Variants in EPB41L4B observed in about 807,000 individuals in gnomAD.
The protein encoded by EPB41L4B is band 4.1-like protein 4B.
EPB41L4B carries 30 observed loss-of-function variants against 112.5 expected under a neutral mutation model. The ratio of observed to expected loss-of-function variants is 0.27; its 90% confidence interval spans 0.20 to 0.36. The LOEUF (loss-of-function observed/expected upper bound fraction) is 0.36, where lower values mean the gene tolerates loss of function less well. Among genes scored for constraint, EPB41L4B ranks in the 10% least tolerant of loss-of-function variants. The pLI is 1.00. For synonymous variants in EPB41L4B, 408 were observed against 439.7 expected, an observed-to-expected ratio of 0.93 and a Z score of 0.90; for missense variants, 1,024 against 1,133.3, an observed-to-expected ratio of 0.90 and a Z score of 1.38.
intron 1 of EPB41L4B, among the ~76,000 whole-genome samples, chr9:109,280,728 G>A (rs1836002054): frequency 6.6e-6 from 1 of 151,868 alleles, no homozygotes; most frequent in Admixed American, 6.6e-5. Context: ...GAGCAGACAC[G>A]CTTCTCAGAT....
chr9:109,208,007 G>C lies in EPB41L4B; in HGVS notation c.1795C>G (p.Leu599Val). The C allele has an allele frequency of 6.2e-7, 1 of 1,614,146 alleles. No homozygotes were observed. Among genetic ancestry groups the C allele is most frequent in the Non-Finnish European group, 8.5e-7 (1 of 1,180,016 alleles). Residue 599 changes from leucine to valine, a missense_variant, in exon 18 of 26, where the codon CTT becomes GTT. Leu to Val is a conservative substitution (Grantham distance 32, BLOSUM62 1). Coordinates refer to ENST00000374566, the MANE Select transcript of EPB41L4B (RefSeq NM_019114.5). ...TGATCCGCAACAGGGGAAGGCAAAA[G>C]TGGAGTCTGAAGAGTTTTCTCCGAG... ...KVSEKTLQTP[L>V]LPSPVADHVK...
chr9:109,281,671 G>A (rs562298683), intron 1 of EPB41L4B, among the ~76,000 whole-genome samples: 116 of 151,394 alleles, frequency 7.7e-4, no homozygotes, highest in Middle Eastern at 6.8e-3. Flanking sequence ...GCGGTAGAGC[G>A]AGACTCCGTC....
intron 3 of EPB41L4B, 128 bp downstream of exon 3, chr9:109,268,263 C>T (rs774813334): frequency 1.8e-5 from 14 of 795,692 alleles, no homozygotes; most frequent in Non-Finnish European, 2.6e-5. Context: ...AAAAATCATC[C>T]ACTTAATACC....
chr9:109,210,840 G>T (rs1226998311), intron 17 of EPB41L4B, among the ~76,000 whole-genome samples: 1 of 152,160 alleles, frequency 6.6e-6, no homozygotes, highest in African/African-American at 2.4e-5. Context: ...TTTATGTTCA[G>T]TCAATTTGAA....
chr9:109,274,625 T>C (rs762036900), intron 2 of EPB41L4B, among the ~76,000 whole-genome samples: 8 of 152,190 alleles, frequency 5.3e-5, no homozygotes, highest in Non-Finnish European at 1.2e-4. Context: ...CTGAATGGGA[T>C]TGACTGAACC....
chr9:109,243,214 A>G (rs74497131), intron 15 of EPB41L4B, among the ~76,000 whole-genome samples: 1 of 4,962 alleles, frequency 2.0e-4, no homozygotes, highest in African/African-American at 5.3e-4. Flanking sequence ...CACCCCCGCA[A>G]AAAAAAAAAA....
intron 18 of EPB41L4B, among the ~76,000 whole-genome samples, chr9:109,204,685 C>T (rs535025738): frequency 7.9e-5 from 12 of 152,044 alleles, no homozygotes; most frequent in African/African-American, 2.4e-4. Flanking sequence ...TTTGTAGAGA[C>T]GAGGTTTTGC....
chr9:109,188,923 T>C (rs928307589), intron 22 of EPB41L4B, among the ~76,000 whole-genome samples: 2 of 152,202 alleles, frequency 1.3e-5, no homozygotes, highest in African/African-American at 4.8e-5. Context: ...TGGTCTGTGT[T>C]ACCTGGGGAG....
intron 1 of EPB41L4B, among the ~76,000 whole-genome samples, chr9:109,311,177 CG>C (rs1005212129): frequency 6.6e-5 from 10 of 152,062 alleles, no homozygotes; most frequent in African/African-American, 2.2e-4. Context: ...CACTTAAACA[CG>C]GTTAAAATAG....
intron 1 of EPB41L4B, among the ~76,000 whole-genome samples, chr9:109,319,040 T>C (rs1015519617): frequency 2.0e-5 from 3 of 152,214 alleles, no homozygotes; most frequent in African/African-American, 7.2e-5. Context: ...ATGTTATTTC[T>C]TCCCTTGACA....
At chr9:109,256,767 A>AC (rs1834998620) in intron 7 of EPB41L4B, among the ~76,000 whole-genome samples, 1 of 152,292 alleles carries the variant, frequency 6.6e-6, no homozygotes, top group African/African-American at 2.4e-5. Context: ...ACATGGTGAA[A>AC]CCCCATCTCT....
intron 15 of EPB41L4B, among the ~76,000 whole-genome samples, chr9:109,224,018 CAAAAATAAAATAAAAT>C (rs541436893): frequency 1.2e-3 from 181 of 150,882 alleles, no homozygotes; most frequent in Middle Eastern, 3.4e-3. Context: ...GCCTTTATCT[CAAAAATAAAATAAAAT>C]AAAAATAAAA....
intron 1 of EPB41L4B, among the ~76,000 whole-genome samples, chr9:109,281,705 TAAATAAATA>T (rs1564317087): frequency 8.2e-5 from 10 of 121,980 alleles, no homozygotes; most frequent in African/African-American, 3.3e-4. Context: ...AATAAATAAA[TAAATAAATA>T]AATAAATAAA....
rs995712526 is a variant in EPB41L4B at position 109,198,137 on chromosome 9, A to G, written c.2045+2099T>C. 1.4e-4 allele frequency among the ~76,000 whole-genome samples: 22 copies of G among 152,126 alleles called. 1 individual carries two copies. Among genetic ancestry groups the G allele is most frequent in the Non-Finnish European group, 4.4e-5 (3 of 68,022 alleles). On this transcript the variant is annotated intron_variant, in intron 20 of 25. Coordinates refer to ENST00000374566, the MANE Select transcript of EPB41L4B (RefSeq NM_019114.5). ...CTATGAAGGATATGAGGTGGGATAT[A>G]TCTCCCTTAATATCCCCCATACATG...
chr9:109,188,166 GCTT>G (rs2118658206), intron 22 of EPB41L4B, among the ~76,000 whole-genome samples: 1 of 152,286 alleles, frequency 6.6e-6, no homozygotes, highest in Non-Finnish European at 1.5e-5. Flanking sequence ...AATGTGTAAG[GCTT>G]CTTCATCATC....
At chr9:109,195,140 G>C (rs1014560102) in intron 20 of EPB41L4B, among the ~76,000 whole-genome samples, 1 of 152,148 alleles carries the variant, frequency 6.6e-6, no homozygotes, top group African/African-American at 2.4e-5. Context: ...TTTAAGGGTG[G>C]TGCTGGGGAC....
Position 109,268,714 on chromosome 9 carries a change from C to T in EPB41L4B, c.412-281G>A, listed in dbSNP as rs376453530. Among the ~76,000 whole-genome samples, 17 of 151,798 alleles carry T rather than the reference C, an allele frequency of 1.1e-4. No homozygotes were observed. The East Asian group carries it at 1.8e-3, about 16-fold the overall frequency. ...GAGATCGAGACCATCCTGGCTAACACGGTGAAACCCCGTCTCTACTAAAAA... is the reference window on the plus strand; with the variant it reads ...GAGATCGAGACCATCCTGGCTAACATGGTGAAACCCCGTCTCTACTAAAAA... On this transcript the variant is annotated intron_variant, in intron 2 of 25. Transcript: ENST00000374566.
chr9:109,311,867 G>A (rs1837425376), intron 1 of EPB41L4B, among the ~76,000 whole-genome samples: 1 of 152,138 alleles, frequency 6.6e-6, no homozygotes, highest in Non-Finnish European at 1.5e-5. Context: ...TCTGCTCTCC[G>A]AGACCATCTG....
chr9:109,200,711 A>G (rs902857734), intron 19 of EPB41L4B, among the ~76,000 whole-genome samples: 1 of 152,188 alleles, frequency 6.6e-6, no homozygotes, highest in Non-Finnish European at 1.5e-5. Context: ...CCTATGGATA[A>G]CCTGTTTTTA....
Sources: allele counts gnomAD v4.1 joint callset (sites outside exome capture counted in the v4.1 genomes callset), GRCh38; gene constraint gnomAD v4.1.1; transcripts MANE v1.5; gene names NCBI Gene and HGNC (gene_info 2026-07-23, HGNC 2026-07-21).